Variants in UCHL5 observed in about 807,000 individuals in gnomAD.
UCHL5 encodes the protein ubiquitin carboxyl-terminal hydrolase isozyme L5.
Under a neutral mutation model 53.8 loss-of-function variants are expected in UCHL5, and 34 were observed. That is an observed-to-expected ratio of 0.63 (90% confidence interval 0.48 to 0.84). UCHL5 has a LOEUF of 0.84. UCHL5 is among the 40% of genes least tolerant of loss of function. UCHL5 has a pLI of 0.00. For synonymous variants in UCHL5, 111 were observed against 126.3 expected, an observed-to-expected ratio of 0.88 and a Z score of 0.81; for missense variants, 290 against 385.6, an observed-to-expected ratio of 0.75 and a Z score of 2.08.
chr1:193,049,165 C>A (rs1668248614), intron 3 of UCHL5, among the ~76,000 whole-genome samples: 1 of 152,154 alleles, frequency 6.6e-6, no homozygotes, highest in Non-Finnish European at 1.5e-5. Flanking sequence ...GTAATCCCAG[C>A]ACTTTGGGAG....
chr1:193,020,546 A>G, intron 10 of UCHL5: 1 of 1,279,862 alleles, frequency 7.8e-7, no homozygotes, highest in Non-Finnish European at 1.0e-6. Context: ...ACTTAAAAAC[A>G]ATTTAACTGC....
At chr1:193,040,166 A>C (rs1476795140) in intron 3 of UCHL5, among the ~76,000 whole-genome samples, 1 of 152,214 alleles carries the variant, frequency 6.6e-6, no homozygotes, top group Non-Finnish European at 1.5e-5. Context: ...CAAACTAAGA[A>C]GCTTCTGCAT....
chr1:193,034,983 G>A (rs1224154494), intron 3 of UCHL5, among the ~76,000 whole-genome samples: 2 of 151,892 alleles, frequency 1.3e-5, no homozygotes, highest in Admixed American at 1.3e-4. Context: ...ATGGTAAGAG[G>A]CATTCTCTTT....
intron 3 of UCHL5, among the ~76,000 whole-genome samples, chr1:193,040,060 G>A (rs889609682): frequency 6.6e-6 from 1 of 151,996 alleles, no homozygotes; most frequent in African/African-American, 2.4e-5. Context: ...AAAACATTGG[G>A]GAAAATCTCC....
chr1:193,041,680 T>TCA (rs1229348060), intron 3 of UCHL5, among the ~76,000 whole-genome samples: 1 of 152,130 alleles, frequency 6.6e-6, no homozygotes, highest in Non-Finnish European at 1.5e-5. Context: ...GCAACACAAT[T>TCA]CACAGTAACT....
intron 9 of UCHL5, among the ~76,000 whole-genome samples, chr1:193,021,558 T>C (rs774005051): frequency 6.6e-6 from 1 of 152,224 alleles, no homozygotes; most frequent in Non-Finnish European, 1.5e-5. Flanking sequence ...AGCTTTATTT[T>C]GTGATCAAGC....
At chr1:193,049,656 T>A in intron 3 of UCHL5, 90 bp downstream of exon 3, 2 of 983,332 alleles carry the variant, frequency 2.0e-6, no homozygotes, top group Non-Finnish European at 2.9e-6. Context: ...GTTTGAGGAC[T>A]ACTACACTAG....
rs78753420 is a variant in UCHL5, at chr1:193,026,426, C to T, written c.629+1659G>A. Among the ~76,000 whole-genome samples, 19 of 152,154 alleles carry T rather than the reference C, an allele frequency of 1.2e-4. No individual in the cohort carries two copies. The East Asian group carries it at 2.9e-3, about 23-fold the overall frequency. ...TGATGAAGGATTAGTATCTAAAATA[C>T]GTAAAGAACTTCAGACTCAAGAGTC... On this transcript the variant is annotated intron_variant, in intron 7 of 10. Coordinates refer to ENST00000367454, the MANE Select transcript of UCHL5 (RefSeq NM_001199261.3).
intron 3 of UCHL5, among the ~76,000 whole-genome samples, chr1:193,041,307 C>T (rs927615744): frequency 1.3e-5 from 2 of 151,886 alleles, no homozygotes; most frequent in Non-Finnish European, 2.9e-5. Context: ...GCATAATTAA[C>T]CCCATTGAAA....
At chr1:193,059,873 G>C (rs1481799531), upstream of UCHL5, 1 of 1,364,820 alleles carries the variant, frequency 7.3e-7, no homozygotes, top group African/African-American at 1.5e-5. The surrounding 1 kb of genome is among the most constrained non-coding windows in gnomAD (Gnocchi z 4.9). Flanking sequence ...CCGCATCCCA[G>C]GGGTTGAGGC....
At chr1:193,039,661 C>G (rs1037086715) in intron 3 of UCHL5, among the ~76,000 whole-genome samples, 1 of 152,042 alleles carries the variant, frequency 6.6e-6, no homozygotes, top group African/African-American at 2.4e-5. Flanking sequence ...AAAATTTATA[C>G]GGAACACAAA....
chr1:193,047,462 C>A (rs1013389813), intron 3 of UCHL5, among the ~76,000 whole-genome samples: 8 of 152,012 alleles, frequency 5.3e-5, no homozygotes, highest in African/African-American at 1.4e-4. Context: ...GTTCTAATTT[C>A]TCTAAGAATA....
chr1:193,039,542 G>T (rs1214803086), intron 3 of UCHL5, among the ~76,000 whole-genome samples: 1 of 152,150 alleles, frequency 6.6e-6, no homozygotes, highest in Non-Finnish European at 1.5e-5. Context: ...TGAACTGGAA[G>T]AATTAATATT....
chr1:193,018,200 A>C (rs1272531443), intron 10 of UCHL5, among the ~76,000 whole-genome samples: 1 of 151,550 alleles, frequency 6.6e-6, no homozygotes, highest in African/African-American at 2.4e-5. Flanking sequence ...ATTGAATCAC[A>C]AAGTCATAGT....
intron 3 of UCHL5, among the ~76,000 whole-genome samples, chr1:193,036,809 C>T (rs1035031871): frequency 6.6e-6 from 1 of 152,084 alleles, no homozygotes; most frequent in East Asian, 1.9e-4. Context: ...CCAAGTTTCT[C>T]TTCAGACCAC....
chr1:193,054,404 T>C (rs1230520465), intron 1 of UCHL5, among the ~76,000 whole-genome samples: 1 of 152,144 alleles, frequency 6.6e-6, no homozygotes, highest in Non-Finnish European at 1.5e-5. Context: ...CTTTTGCACC[T>C]CTGCCAAAAA....
intron 3 of UCHL5, among the ~76,000 whole-genome samples, chr1:193,046,944 T>C (rs1007316988): frequency 6.6e-6 from 1 of 151,900 alleles, no homozygotes; most frequent in African/African-American, 2.4e-5. Context: ...GTATGACATA[T>C]GGAGTCACAA....
intron 7 of UCHL5, among the ~76,000 whole-genome samples, chr1:193,026,128 T>C (rs2102397360): frequency 6.7e-6 from 1 of 148,990 alleles, no homozygotes. Flanking sequence ...CTAAATGTCA[T>C]ACCATATACA....
intron 10 of UCHL5, chr1:193,018,444 A>C: frequency 1.4e-6 from 1 of 719,108 alleles, no homozygotes; most frequent in Non-Finnish European, 1.7e-6. Context: ...ATTTTAAGAA[A>C]GAGATTTGGT....
Sources: allele counts gnomAD v4.1 joint callset (sites outside exome capture counted in the v4.1 genomes callset), GRCh38; gene constraint gnomAD v4.1.1; non-coding constraint Gnocchi (gnomAD v3.1); transcripts MANE v1.5; gene names NCBI Gene and HGNC (gene_info 2026-07-23, HGNC 2026-07-21).